The following GPD2 variants were observed in gnomAD, a reference collection of about 807,000 sequenced individuals.
GPD2 encodes the protein glycerol-3-phosphate dehydrogenase, mitochondrial.
GPD2 carries 54 observed loss-of-function variants against 82.4 expected under a neutral mutation model. The ratio of observed to expected loss-of-function variants is 0.66; its 90% CI spans 0.53 to 0.82. The LOEUF is 0.82. Ranked by LOEUF, GPD2 falls within the 40% of genes least tolerant of loss-of-function variation. The probability of loss-of-function intolerance (pLI) is 0.00; values close to 1 mark genes in which losing one functional copy is unlikely to be tolerated. For synonymous variants in GPD2, 288 were observed against 306.1 expected, an observed-to-expected ratio of 0.94 and a Z score of 0.62; for missense variants, 748 against 896.2, an observed-to-expected ratio of 0.83 and a Z score of 2.11.
chr2:156,545,913 G>T (rs1686514161), intron 6 of GPD2, among the ~76,000 whole-genome samples: 1 of 152,098 alleles, frequency 6.6e-6, no homozygotes, highest in Admixed American at 6.5e-5. Flanking sequence ...AAATATGTGT[G>T]GTCCTGCATT....
intron 6 of GPD2, among the ~76,000 whole-genome samples, chr2:156,522,244 A>G (rs755101233): frequency 1.3e-5 from 2 of 152,190 alleles, no homozygotes; most frequent in Non-Finnish European, 2.9e-5. Context: ...CCAGGCTTTC[A>G]TTCTCTTATA....
intron 6 of GPD2, among the ~76,000 whole-genome samples, chr2:156,515,986 G>C (rs547131881): frequency 1.3e-5 from 2 of 152,138 alleles, no homozygotes; most frequent in Non-Finnish European, 2.9e-5. Context: ...GGAGCATGTA[G>C]GTAAAAGAAT....
intron 16 of GPD2, among the ~76,000 whole-genome samples, chr2:156,581,626 T>TAACCCAAA (rs1688027746): frequency 6.6e-6 from 1 of 152,152 alleles, no homozygotes; most frequent in African/African-American, 2.4e-5. Context: ...TTTATCCCAT[T>TAACCCAAA]AAATATATTT....
At chr2:156,499,350 T>A (rs928479201) in intron 3 of GPD2, among the ~76,000 whole-genome samples, 1 of 152,098 alleles carries the variant, frequency 6.6e-6, no homozygotes, top group African/African-American at 2.4e-5. Flanking sequence ...AGTTGAGAAC[T>A]GAGTGGATAT....
At chr2:156,479,037 TA>T (rs1337652411) in intron 2 of GPD2, among the ~76,000 whole-genome samples, 1 of 152,166 alleles carries the variant, frequency 6.6e-6, no homozygotes, top group Admixed American at 6.5e-5. Flanking sequence ...TTCCCTGAAA[TA>T]AAAGCAGGGG....
intron 8 of GPD2, among the ~76,000 whole-genome samples, chr2:156,553,550 A>G (rs1478696914): frequency 6.6e-6 from 1 of 152,188 alleles, no homozygotes; most frequent in Non-Finnish European, 1.5e-5. Context: ...TCATAGAAAA[A>G]AATAGAAATA....
In GPD2 at chr2:156,476,129, A is replaced by G; in HGVS notation, c.24A>G (p.Lys8=). ...AAATGGCATTTCAAAAGGCAGTGAA[A>G]GGGACGATTCTTGTTGGAGGAGGTG... is the stretch of plus-strand genomic sequence containing the variant. MAFQKAV[K]GTILVGGGAL... is the part of the protein sequence containing the mutation. The change falls in exon 2 of 17, where the codon AAA becomes AAG. Residue 8 remains lysine, a synonymous_variant. Coordinates refer to ENST00000438166, the MANE Select transcript of GPD2 (RefSeq NM_000408.5). The G allele has an allele frequency of 6.2e-7, 1 of 1,607,742 alleles. No individual in the cohort carries two copies. The highest frequency in any genetic ancestry group is 8.5e-7 in the Non-Finnish European group (1 of 1,174,318).
At chr2:156,403,414 G>T in the GPD2 span, among the ~76,000 whole-genome samples, 1 of 152,122 alleles carries the variant, frequency 6.6e-6, no homozygotes. Context: ...CTTGTATGAG[G>T]GTGTAATGCT....
At chr2:156,530,857 T>G (rs1380184562) in intron 6 of GPD2, among the ~76,000 whole-genome samples, 1 of 152,200 alleles carries the variant, frequency 6.6e-6, no homozygotes, top group Non-Finnish European at 1.5e-5. Context: ...ATGCTGTTTG[T>G]TTATTTTTTA....
chr2:156,571,424 A>G (rs1426206173), intron 13 of GPD2, 132 bp downstream of exon 13: 3 of 540,292 alleles, frequency 5.6e-6, no homozygotes, highest in Non-Finnish European at 9.7e-6. Context: ...TGTGTGTTTA[A>G]TATTGTTAGG....
At chr2:156,578,676 A>C (rs1687911326) in intron 13 of GPD2, among the ~76,000 whole-genome samples, 1 of 152,216 alleles carries the variant, frequency 6.6e-6, no homozygotes, top group African/African-American at 2.4e-5. Flanking sequence ...GGAAAGTTTT[A>C]GGGTGATGGA....
rs1409391096 is a variant in GPD2, at chr2:156,585,820, A to G, written c.*2902A>G. On this transcript the variant is annotated 3_prime_UTR_variant, in exon 17 of 17. Coordinates refer to ENST00000438166, the MANE Select transcript of GPD2 (RefSeq NM_000408.5). ...AACTTGCGATGTTTGCATCATGTCA[A>G]CCTTTTTGAAGGAGTGAAAAAGCCC... The G allele has an allele frequency of 2.0e-5, 3 of 152,480 alleles. No homozygotes were observed. The highest frequency in any genetic ancestry group is 1.5e-5 in the Non-Finnish European group (1 of 67,992). 9.4% of individuals were successfully genotyped at this position (152,480 alleles called of 1,614,324 possible).
chr2:156,560,436 G>A (rs915608754), intron 9 of GPD2, among the ~76,000 whole-genome samples: 1 of 152,118 alleles, frequency 6.6e-6, no homozygotes, highest in Non-Finnish European at 1.5e-5. Flanking sequence ...TGCAAACCAG[G>A]TCTTCCTCCT....
chr2:156,576,854 G>A, intron 13 of GPD2, among the ~76,000 whole-genome samples: 1 of 152,190 alleles, frequency 6.6e-6, no homozygotes, highest in East Asian at 1.9e-4. Context: ...TTTCCAAGGA[G>A]ATGGATTTTG....
intron 6 of GPD2, among the ~76,000 whole-genome samples, chr2:156,525,617 A>G (rs1417019560): frequency 6.6e-6 from 1 of 152,218 alleles, no homozygotes; most frequent in African/African-American, 2.4e-5. Context: ...AACGTTATCA[A>G]TCAGACTTCC....
intron 8 of GPD2, among the ~76,000 whole-genome samples, chr2:156,554,657 C>G (rs1376576536): frequency 1.3e-5 from 2 of 152,138 alleles, no homozygotes; most frequent in Admixed American, 1.3e-4. Flanking sequence ...AAGAACAAAT[C>G]TGGAATTTCC....
the GPD2 span, among the ~76,000 whole-genome samples, chr2:156,404,999 C>G: frequency 6.6e-6 from 1 of 152,062 alleles, no homozygotes; most frequent in African/African-American, 2.4e-5. Context: ...AAAGAAGGTT[C>G]GGAGCATTTG....
the GPD2 span, among the ~76,000 whole-genome samples, chr2:156,402,819 G>A: frequency 6.6e-6 from 1 of 152,050 alleles, no homozygotes; most frequent in South Asian, 2.1e-4. Context: ...CCTGGCCCCT[G>A]AGATTCTTAA....
At chr2:156,534,058 A>C (rs886714258) in intron 6 of GPD2, among the ~76,000 whole-genome samples, 1 of 152,182 alleles carries the variant, frequency 6.6e-6, no homozygotes, top group African/African-American at 2.4e-5. Flanking sequence ...CACACAGACA[A>C]ATTGAAGGAT....
Sources: gnomAD v4.1 joint callset for allele counts (sites outside exome capture counted in the v4.1 genomes callset) on GRCh38, gnomAD v4.1.1 for gene constraint, MANE v1.5 for transcripts, NCBI Gene and HGNC (gene_info 2026-07-23, HGNC 2026-07-21) for gene names.